The following SRD5A2 variants were observed in gnomAD, a reference collection of about 807,000 sequenced individuals.
SRD5A2 encodes the protein steroid 5 alpha-reductase 2, also known as 3-oxo-5-alpha-steroid 4-dehydrogenase 2.
A neutral mutation model predicts 27.4 loss-of-function variants in SRD5A2; 30 were observed. That is an observed-to-expected ratio of 1.10 (90% CI 0.82 to 1.49). The LOEUF is 1.49. SRD5A2 is among the 40% of genes most tolerant of loss of function. The pLI is 0.00. For missense variants in SRD5A2, 348 were observed against 323.4 expected (o/e 1.08, Z -0.58); for synonymous variants, 141 against 133.6 (o/e 1.06, Z -0.38).
chr2:31,592,788 C>T, the SRD5A2 span, among the ~76,000 whole-genome samples: 1 of 152,150 alleles, frequency 6.6e-6, no homozygotes, highest in African/African-American at 2.4e-5. Context: ...CCATAACACC[C>T]CCAAAAGATC....
upstream of SRD5A2, among the ~76,000 whole-genome samples, chr2:31,583,037 T>G (rs143287037): frequency 6.6e-6 from 1 of 152,354 alleles, no homozygotes; most frequent in East Asian, 1.9e-4. Flanking sequence ...ACAATTAGCT[T>G]GATAAAACCA....
At chr2:31,560,952 A>T (rs546475086) in intron 1 of SRD5A2, among the ~76,000 whole-genome samples, 1 of 152,238 alleles carries the variant, frequency 6.6e-6, no homozygotes, top group African/African-American at 2.4e-5. Context: ...AGTTTTTTGG[A>T]TGGGTGCCCT....
chr2:31,560,396 T>C (rs1219802559), intron 1 of SRD5A2, among the ~76,000 whole-genome samples: 1 of 152,200 alleles, frequency 6.6e-6, no homozygotes, highest in East Asian at 1.9e-4. Flanking sequence ...TGATTTTCCC[T>C]CTATATCTCA....
the SRD5A2 span, among the ~76,000 whole-genome samples, chr2:31,628,197 G>A: frequency 1.3e-5 from 2 of 152,050 alleles, no homozygotes; most frequent in Admixed American, 6.6e-5. Context: ...AGGTCTTCTT[G>A]TTGAATCAAG....
chr2:31,593,398 GA>G, the SRD5A2 span, among the ~76,000 whole-genome samples: 9 of 152,142 alleles, frequency 5.9e-5, no homozygotes, highest in South Asian at 1.9e-3. Context: ...AAATACACTG[GA>G]AAGGTTCAAC....
chr2:31,588,817 A>C, the SRD5A2 span, among the ~76,000 whole-genome samples: 1 of 152,188 alleles, frequency 6.6e-6, no homozygotes, highest in African/African-American at 2.4e-5. Context: ...CAACAAACCA[A>C]TAAAAAATCA....
At chr2:31,541,706 A>G (rs982074053) in intron 1 of SRD5A2, among the ~76,000 whole-genome samples, 3 of 152,346 alleles carry the variant, frequency 2.0e-5, no homozygotes, top group Admixed American at 2.0e-4. Context: ...TTGAATTGCC[A>G]ATGATGCCCC....
intron 1 of SRD5A2, among the ~76,000 whole-genome samples, chr2:31,567,609 G>C (rs1358461482): frequency 6.6e-6 from 1 of 151,916 alleles, no homozygotes; most frequent in East Asian, 1.9e-4. Flanking sequence ...TGTGTCCTCA[G>C]GAAACCACTG....
chr2:31,524,119 C>T lies in SRD5A2; in HGVS notation c.*2077G>A, dbSNP rs1266406314. 9.0e-6 allele frequency: 2 copies of T among 222,828 alleles called. No homozygotes were observed. Among genetic ancestry groups the T allele is most frequent in the Non-Finnish European group, 1.8e-5 (2 of 111,458 alleles). The allele number at this position is 222,828 out of a possible 1,614,324, so 13.8% of individuals were successfully genotyped here. On this transcript the variant is annotated 3_prime_UTR_variant, in exon 5 of 5. Transcript: ENST00000622030. ...GTTTTGTCCTGAGACTGAGTACTGC[C>T]ATTTATTGTATATTTATTTCATCTC... is the stretch of plus-strand genomic sequence containing the variant.
At chr2:31,619,749 A>T in the SRD5A2 span, among the ~76,000 whole-genome samples, 1 of 152,086 alleles carries the variant, frequency 6.6e-6, no homozygotes, top group South Asian at 2.1e-4. Context: ...TTTGAAAAGT[A>T]TCTGTCCATG....
intron 1 of SRD5A2, among the ~76,000 whole-genome samples, chr2:31,538,536 CT>C (rs1666070286): frequency 6.6e-6 from 1 of 152,192 alleles, no homozygotes; most frequent in East Asian, 1.9e-4. Flanking sequence ...ACCAATAAAG[CT>C]GTAAACTGGA....
the SRD5A2 span, among the ~76,000 whole-genome samples, chr2:31,626,250 A>C: frequency 6.6e-6 from 1 of 152,024 alleles, no homozygotes; most frequent in African/African-American, 2.4e-5. Flanking sequence ...GCTTAAGGAG[A>C]TTTTGGGCTG....
At chr2:31,593,448 C>T in the SRD5A2 span, among the ~76,000 whole-genome samples, 1 of 151,910 alleles carries the variant, frequency 6.6e-6, no homozygotes, top group Non-Finnish European at 1.5e-5. Flanking sequence ...CTTCAGAGCT[C>T]GAAGACAAGG....
At chr2:31,564,500 G>A (rs1666689936) in intron 1 of SRD5A2, among the ~76,000 whole-genome samples, 1 of 151,970 alleles carries the variant, frequency 6.6e-6, no homozygotes, top group South Asian at 2.1e-4. Context: ...GAAGAATAGT[G>A]TATGAAAATC....
the SRD5A2 span, among the ~76,000 whole-genome samples, chr2:31,620,865 A>G: frequency 6.8e-6 from 1 of 147,628 alleles, no homozygotes; most frequent in African/African-American, 2.5e-5. Context: ...GATGGTCTCA[A>G]AATATAAAAT....
chr2:31,577,514 G>T (rs1350595585), intron 1 of SRD5A2, among the ~76,000 whole-genome samples: 1 of 152,200 alleles, frequency 6.6e-6, no homozygotes, highest in South Asian at 2.1e-4. Context: ...CTTTGACCCT[G>T]TGGAATCTAC....
chr2:31,586,374 C>A, the SRD5A2 span, among the ~76,000 whole-genome samples: 2 of 152,144 alleles, frequency 1.3e-5, no homozygotes, highest in Non-Finnish European at 2.9e-5. Context: ...GCTTTTCCAC[C>A]TGTTTATTGT....
At chr2:31,654,106 C>G in the SRD5A2 span, among the ~76,000 whole-genome samples, 1 of 149,438 alleles carries the variant, frequency 6.7e-6, no homozygotes, top group South Asian at 2.1e-4. Flanking sequence ...AGCCCAGCAA[C>G]AGCATAGTTC....
intron 1 of SRD5A2, among the ~76,000 whole-genome samples, chr2:31,560,452 A>G (rs375527624): frequency 2.0e-5 from 3 of 152,150 alleles, no homozygotes; most frequent in South Asian, 4.1e-4. Flanking sequence ...CTGTTTAACT[A>G]TCCTAGGCAA....
Sources: gnomAD v4.1 joint callset for allele counts (sites outside exome capture counted in the v4.1 genomes callset) on GRCh38, gnomAD v4.1.1 for gene constraint, MANE v1.5 for transcripts, NCBI Gene and HGNC (gene_info 2026-07-23, HGNC 2026-07-21) for gene names.